CCDC186: variants seen among roughly 807,000 people sequenced by gnomAD.
CCDC186 encodes the protein coiled-coil domain-containing protein 186.
In CCDC186, 49 loss-of-function variants were observed where a neutral mutation model predicts 113.7. The observed-to-expected ratio is 0.43, with a 90% confidence interval of 0.34 to 0.55. CCDC186 has a LOEUF of 0.55. CCDC186 is among the 20% of genes least tolerant of loss of function. The pLI, the probability that CCDC186 is intolerant of heterozygous loss-of-function variation, is 0.02. For synonymous variants in CCDC186, 355 were observed against 345.8 expected (o/e 1.03, Z -0.30); for missense variants, 890 against 1,011.1 (o/e 0.88, Z 1.62).
chr10:114,130,124 A>AT (rs1419775959), intron 12 of CCDC186, 153 bp from the exon 13 acceptor site: 3 of 523,974 alleles, frequency 5.7e-6, no homozygotes, highest in Non-Finnish European at 1.0e-5. Flanking sequence ...TGTCATTCAT[A>AT]TAAAATGTCA....
At chr10:114,139,831 T>C (rs1248715701) in intron 6 of CCDC186, among the ~76,000 whole-genome samples, 2 of 152,218 alleles carry the variant, frequency 1.3e-5, no homozygotes, top group Non-Finnish European at 2.9e-5. Flanking sequence ...TATGTTTTTC[T>C]ACTACTATAT....
intron 6 of CCDC186, among the ~76,000 whole-genome samples, chr10:114,139,801 C>G (rs189287883): frequency 6.6e-6 from 1 of 151,976 alleles, no homozygotes; most frequent in East Asian, 1.9e-4. Flanking sequence ...GAAAAAGAGA[C>G]AGAGAGAAGG....
At chr10:114,160,226 C>T (rs2032130570) in intron 2 of CCDC186, among the ~76,000 whole-genome samples, 4 of 150,626 alleles carry the variant, frequency 2.7e-5, no homozygotes, top group Admixed American at 1.3e-4. Context: ...GCTGAGGTCG[C>T]GCCACTGCAC....
At chr10:114,164,065 A>AGTGTGTGTGTGTGTGTGTGTGTGTGTGT (rs747232906) in intron 1 of CCDC186, among the ~76,000 whole-genome samples, 3 of 107,032 alleles carry the variant, frequency 2.8e-5, no homozygotes, top group Non-Finnish European at 5.3e-5. Context: ...ACCAAGTTAG[A>AGTGTGTGTGTGTGTGTGTGTGTGTGTGT]GTGTGTGTGT....
At chr10:114,143,517 C>A (rs1428856146) in intron 6 of CCDC186, among the ~76,000 whole-genome samples, 2 of 152,232 alleles carry the variant, frequency 1.3e-5, no homozygotes, top group African/African-American at 4.8e-5. Flanking sequence ...CTCCTCCTTT[C>A]TGAAAATTCT....
At chr10:114,168,479 T>TAA (rs1356801144) in intron 1 of CCDC186, among the ~76,000 whole-genome samples, 1 of 152,218 alleles carries the variant, frequency 6.6e-6, no homozygotes, top group East Asian at 1.9e-4. Context: ...CCCCTATATA[T>TAA]AACATCACTA....
At position 114,163,272 on chromosome 10, in the gene CCDC186, G is replaced by T; in HGVS notation, c.-4C>A. 6.2e-7 allele frequency: 1 copy of T among 1,601,016 alleles called. No homozygotes were observed. Among genetic ancestry groups the T allele is most frequent in the South Asian group, 1.1e-5 (1 of 88,942 alleles). ...CTATGTGGTCTGTCTCTGACATGCTGACTGGCACCAATTCACTTTGTAATT... is the reference window on the plus strand; with the variant it reads ...CTATGTGGTCTGTCTCTGACATGCTTACTGGCACCAATTCACTTTGTAATT... On this transcript the variant is annotated 5_prime_UTR_variant, in exon 2 of 16. Transcript: ENST00000369287.
chr10:114,173,962 C>A (rs2032618241), intron 1 of CCDC186, 53 bp downstream of exon 1: 1 of 461,690 alleles, frequency 2.2e-6, no homozygotes. Flanking sequence ...GCAGCCCCAC[C>A]GCACCGCCAC....
At chr10:114,127,760 A>C (rs1183710234) in intron 13 of CCDC186, 89 bp from the exon 14 acceptor site, 2 of 1,175,482 alleles carry the variant, frequency 1.7e-6, no homozygotes, top group African/African-American at 3.1e-5. Flanking sequence ...ATCATTTCAA[A>C]TATTCACTCT....
At chr10:114,148,758 G>A (rs1282550243) in intron 4 of CCDC186, among the ~76,000 whole-genome samples, 1 of 152,204 alleles carries the variant, frequency 6.6e-6, no homozygotes, top group Admixed American at 6.5e-5. Context: ...CATGGGAGAT[G>A]TGGGTGGGGG....
rs760894996 is a variant in CCDC186 at position 114,169,432 on chromosome 10, TG to T, written c.-62+4582del. ...CTAATTTTTGTATTTTTAGTAAAGATGGGGTTTCACCATGTTGGCCAGGCTC... is the reference window on the plus strand; with the variant it reads ...CTAATTTTTGTATTTTTAGTAAAGATGGGTTTCACCATGTTGGCCAGGCTC... On this transcript the variant is annotated intron_variant, in intron 1 of 15. Transcript: ENST00000369287. 2.8e-4 allele frequency among the ~76,000 whole-genome samples: 42 copies of T among 151,922 alleles called. 1 individual carries two copies. The highest frequency in any genetic ancestry group is 4.4e-4 in the Non-Finnish European group (30 of 67,950).
chr10:114,170,671 A>G (rs1357947049), intron 1 of CCDC186, among the ~76,000 whole-genome samples: 2 of 152,166 alleles, frequency 1.3e-5, no homozygotes, highest in African/African-American at 4.8e-5. Flanking sequence ...GCATTAGAAT[A>G]AAAAAGTTTC....
intron 3 of CCDC186, among the ~76,000 whole-genome samples, chr10:114,155,413 G>A (rs1589626062): frequency 1.3e-5 from 2 of 152,294 alleles, no homozygotes; most frequent in Admixed American, 1.3e-4. Flanking sequence ...AGTGGCTCAC[G>A]CCTGTAATCC....
intron 5 of CCDC186, among the ~76,000 whole-genome samples, chr10:114,145,289 T>C (rs2031599114): frequency 6.6e-6 from 1 of 152,062 alleles, no homozygotes; most frequent in African/African-American, 2.4e-5. Context: ...AAGAAAGTTT[T>C]TAGAAAGCTC....
At chr10:114,157,711 C>T in intron 2 of CCDC186, 31 bp from the exon 3 acceptor site, 1 of 1,503,408 alleles carries the variant, frequency 6.7e-7, no homozygotes, top group Non-Finnish European at 9.0e-7. Context: ...GTATGTAAAA[C>T]ATAATTTAAA....
At chr10:114,171,054 A>G (rs2032480535) in intron 1 of CCDC186, among the ~76,000 whole-genome samples, 1 of 152,232 alleles carries the variant, frequency 6.6e-6, no homozygotes, top group African/African-American at 2.4e-5. Flanking sequence ...ATACTTTAAA[A>G]TACTAAAGCA....
chr10:114,127,434 C>T (rs1034134850), intron 14 of CCDC186, 27 bp downstream of exon 14: 11 of 1,595,182 alleles, frequency 6.9e-6, no homozygotes, highest in East Asian at 2.2e-5. Flanking sequence ...TTTTGAAGAC[C>T]GATCATGCTA....
At chr10:114,173,630 A>C (rs1365585614) in intron 1 of CCDC186, among the ~76,000 whole-genome samples, 1 of 152,198 alleles carries the variant, frequency 6.6e-6, no homozygotes, top group Middle Eastern at 3.2e-3. Flanking sequence ...ACGAAAAACG[A>C]AATAGGCGAT....
chr10:114,145,236 A>G (rs1389994876), intron 5 of CCDC186, among the ~76,000 whole-genome samples: 1 of 152,170 alleles, frequency 6.6e-6, no homozygotes, highest in East Asian at 1.9e-4. Flanking sequence ...CCAAAATATA[A>G]TCTTCCCTTG....
Sources: gnomAD v4.1 joint callset for allele counts (sites outside exome capture counted in the v4.1 genomes callset) on GRCh38, gnomAD v4.1.1 for gene constraint, MANE v1.5 for transcripts, NCBI Gene and HGNC (gene_info 2026-07-23, HGNC 2026-07-21) for gene names.